The following AGAP1 variants were observed in gnomAD, a reference collection of about 807,000 sequenced individuals.
The protein encoded by AGAP1 is ArfGAP with GTPase domain, ankyrin repeat and PH domain 1.
A neutral mutation model predicts 105.3 loss-of-function variants in AGAP1; 29 were observed. The ratio of observed to expected loss-of-function variants is 0.28; its 90% CI spans 0.21 to 0.38. The LOEUF (loss-of-function observed/expected upper bound fraction) is 0.38. Ranked by LOEUF, AGAP1 falls within the 10% of genes least tolerant of loss-of-function variation. The pLI is 1.00. For synonymous variants in AGAP1, 509 were observed against 485.9 expected (o/e 1.05, Z -0.63); for missense variants, 998 against 1,165.1 (o/e 0.86, Z 2.09).
intron 12 of AGAP1, among the ~76,000 whole-genome samples, chr2:235,945,887 C>CT (rs2053475274): frequency 1.1e-5 from 1 of 93,766 alleles, no homozygotes; most frequent in Non-Finnish European, 2.1e-5. Context: ...CTTCACATGG[C>CT]TGGCGGTGGT....
rs796645681 is a variant in AGAP1, at chr2:236,053,614, G to A, written c.2114+4333G>A. Among the ~76,000 whole-genome samples, 8 of 152,382 alleles carry A rather than the reference G, an allele frequency of 5.2e-5. No individual in the cohort carries two copies. The highest frequency in any genetic ancestry group is 1.7e-4 in the African/African-American group (7 of 41,600). On this transcript the variant is annotated intron_variant, in intron 16 of 17. Coordinates refer to ENST00000304032, the MANE Select transcript of AGAP1 (RefSeq NM_001037131.3). The surrounding 1 kb of genome is among the most constrained non-coding windows in gnomAD (Gnocchi z 4.6). ...CCTCTTGGCAGAAGCCTCGCTCTGC[G>A]TGGCACTGCATCTCCCCATCTTTGT...
At chr2:235,675,165 T>TGTTG (rs1227983549) in intron 1 of AGAP1, among the ~76,000 whole-genome samples, 22 of 150,454 alleles carry the variant, frequency 1.5e-4, no homozygotes, top group African/African-American at 4.4e-4. Flanking sequence ...GGACACTTTT[T>TGTTG]GTTGGTTGGT....
At chr2:236,057,912 C>G (rs183702825) in intron 16 of AGAP1, among the ~76,000 whole-genome samples, 2 of 152,286 alleles carry the variant, frequency 1.3e-5, no homozygotes, top group East Asian at 3.9e-4. Flanking sequence ...CTGGGTCATG[C>G]ATACTAGCAG....
At chr2:236,071,858 A>AC (rs2058504807) in intron 16 of AGAP1, among the ~76,000 whole-genome samples, 1 of 152,198 alleles carries the variant, frequency 6.6e-6, no homozygotes, top group East Asian at 1.9e-4. Flanking sequence ...AGGTTGGAGC[A>AC]CCACAGCTGC....
chr2:235,952,688 C>T (rs1311487331), intron 12 of AGAP1, among the ~76,000 whole-genome samples: 1 of 151,908 alleles, frequency 6.6e-6, no homozygotes, highest in Non-Finnish European at 1.5e-5. Context: ...CCTGAGTGGC[C>T]CTGGGTAGTT....
chr2:235,506,114 A>G (rs1210673869), intron 1 of AGAP1, among the ~76,000 whole-genome samples: 1 of 151,916 alleles, frequency 6.6e-6, no homozygotes, highest in African/African-American at 2.4e-5. Context: ...TGTTTTTAGT[A>G]GAGATAGGGT....
chr2:235,566,623 A>G lies in AGAP1; in HGVS notation c.163+71774A>G, dbSNP rs1944354579. ...GGTCTGTCTCCTGCCTCTCTTATTT[A>G]TGTTGTATGCCTGACACCTTCCTCA... On this transcript the variant is annotated intron_variant, in intron 1 of 17. Coordinates refer to ENST00000304032, the MANE Select transcript of AGAP1 (RefSeq NM_001037131.3). This position sits in a 1 kb window ranked among gnomAD's most constrained non-coding sequence, Gnocchi z 5.2. The G allele has an allele frequency of 1.2e-5, 12 of 983,332 alleles. No individual in the cohort carries two copies. The Admixed American group carries it at 7.4e-4, about 61-fold the overall frequency. 60.9% of individuals were successfully genotyped at this position (983,332 alleles called of 1,614,324 possible). A position where few individuals can be genotyped will look rare whatever the true frequency, so the allele number is the denominator to read the frequency against.
At position 235,569,481 on chromosome 2, in the gene AGAP1, G is replaced by T. The variant is rs932121243; in HGVS notation, c.163+74632G>T. ...CTTAGGCACAGAGAGACTTTTGGTG[G>T]CTCTATAGGCAGTAAAGGGCAAAAT... On this transcript the variant is annotated intron_variant, in intron 1 of 17. Transcript: ENST00000304032. The surrounding 1 kb of genome is among the most constrained non-coding windows in gnomAD (Gnocchi z 5.9). 2.0e-5 allele frequency among the ~76,000 whole-genome samples: 3 copies of T among 152,164 alleles called. No individual in the cohort carries two copies. Among genetic ancestry groups the T allele is most frequent in the Admixed American group, 2.0e-4 (3 of 15,280 alleles).
In AGAP1 at chr2:235,729,971, G is replaced by A. The variant is rs544352864; in HGVS notation, c.311-10992G>A. ...TCGCCAGCCCCCTACCCTACAGTATGGAAAAAAGGCATAGAACAGTCAAAT... is the reference window on the plus strand; with the variant it reads ...TCGCCAGCCCCCTACCCTACAGTATAGAAAAAAGGCATAGAACAGTCAAAT... On this transcript the variant is annotated intron_variant, in intron 3 of 17. Transcript: ENST00000304032. This position sits in a 1 kb window ranked among gnomAD's most constrained non-coding sequence, Gnocchi z 5.0. 6.2e-4 allele frequency among the ~76,000 whole-genome samples: 95 copies of A among 152,110 alleles called. 1 individual carries two copies. The highest frequency in any genetic ancestry group is 1.8e-3 in the African/African-American group (73 of 41,466).
chr2:235,814,376 A>G (rs1452851396), intron 9 of AGAP1, among the ~76,000 whole-genome samples: 1 of 152,238 alleles, frequency 6.6e-6, no homozygotes, highest in Non-Finnish European at 1.5e-5. Flanking sequence ...CAGAAATACA[A>G]GCTCTCCTAC....
In AGAP1 at chr2:235,809,699, G is replaced by T. The variant is rs529629611; in HGVS notation, c.1050+2368G>T. Among the ~76,000 whole-genome samples, 6 of 152,238 alleles carry T rather than the reference G, an allele frequency of 3.9e-5. No homozygotes were observed. In the South Asian group the frequency reaches 1.2e-3, roughly 32 times the overall value. On this transcript the variant is annotated intron_variant, in intron 9 of 17. Transcript: ENST00000304032. ...ATCGATCTATCTCACATCCCTGTGT[G>T]TACCCTTGTTTCTAAAGGAACATAG... is the stretch of plus-strand genomic sequence containing the variant.
chr2:235,972,385 A>G (rs2054684481), intron 13 of AGAP1, among the ~76,000 whole-genome samples: 1 of 152,210 alleles, frequency 6.6e-6, no homozygotes, highest in Non-Finnish European at 1.5e-5. Flanking sequence ...AGTAGAATCC[A>G]TTAAACTCAG....
Position 235,740,872 on chromosome 2 carries a change from GGT to G in AGAP1, c.311-88_311-87del. 2.7e-6 allele frequency: 4 copies of G among 1,501,626 alleles called. No individual in the cohort carries two copies. The highest frequency in any genetic ancestry group is 3.7e-6 in the Non-Finnish European group (4 of 1,083,758). 93.0% of individuals were successfully genotyped at this position (1,501,626 alleles called of 1,614,324 possible). ...AGTTGCCTCCAGGGCGACAGCCTAG[GGT>G]GTATTTTTCCACAAGCGAAGCCCAC... On this transcript the variant is annotated intron_variant, in intron 3 of 17. Transcript: ENST00000304032. This position sits in a 1 kb window ranked among gnomAD's most constrained non-coding sequence, Gnocchi z 5.7.
chr2:235,511,726 G>A (rs1942120603), intron 1 of AGAP1, among the ~76,000 whole-genome samples: 1 of 150,696 alleles, frequency 6.6e-6, no homozygotes. Flanking sequence ...TATTTGTAGG[G>A]TGGGGAGAAA....
chr2:235,568,506 G>A (rs184109695), intron 1 of AGAP1, among the ~76,000 whole-genome samples: 185 of 152,340 alleles, frequency 1.2e-3, no homozygotes, highest in African/African-American at 4.2e-3. Context: ...GCATGCATGC[G>A]TGGGATGGAC....
chr2:235,629,031 C>T (rs1321232296), intron 1 of AGAP1, among the ~76,000 whole-genome samples: 4 of 152,076 alleles, frequency 2.6e-5, no homozygotes, highest in African/African-American at 9.7e-5. Context: ...AGGCTGGTCT[C>T]AAACTCCTGA....
chr2:235,966,545 G>C (rs1484175124), intron 12 of AGAP1, among the ~76,000 whole-genome samples: 1 of 152,128 alleles, frequency 6.6e-6, no homozygotes, highest in East Asian at 1.9e-4. Context: ...CTGCCTGGTA[G>C]AGGGAAAGTT....
rs1314189975 is a variant in AGAP1, at chr2:236,092,556, G to C, written c.2115-27636G>C. ...TTACAGGTGTCCGCCACCGTGCCCA[G>C]CTAATTTTTGTATTTTTATTAGAGA... On this transcript the variant is annotated intron_variant, in intron 16 of 17. Coordinates refer to ENST00000304032, the MANE Select transcript of AGAP1 (RefSeq NM_001037131.3). This position sits in a 1 kb window ranked among gnomAD's most constrained non-coding sequence, Gnocchi z 4.7. 6.6e-6 allele frequency among the ~76,000 whole-genome samples: 1 copy of C among 152,064 alleles called. No homozygotes were observed. Among genetic ancestry groups the C allele is most frequent in the East Asian group, 1.9e-4 (1 of 5,168 alleles).
intron 1 of AGAP1, among the ~76,000 whole-genome samples, chr2:235,561,093 G>A (rs753347596): frequency 3.9e-5 from 6 of 152,204 alleles, no homozygotes; most frequent in Non-Finnish European, 8.8e-5. Flanking sequence ...GGAGCCTAGG[G>A]TGTCCATTTA....
Sources: gnomAD v4.1 joint callset for allele counts (sites outside exome capture counted in the v4.1 genomes callset) on GRCh38, gnomAD v4.1.1 for gene constraint, Gnocchi (gnomAD v3.1) non-coding constraint, MANE v1.5 for transcripts, NCBI Gene and HGNC (gene_info 2026-07-23, HGNC 2026-07-21) for gene names.